The following TNFRSF8 variants were observed in gnomAD, a reference collection of about 807,000 sequenced individuals.
The protein encoded by TNFRSF8 is tumor necrosis factor receptor superfamily member 8.
In TNFRSF8, 26 loss-of-function variants were observed where a neutral mutation model predicts 70.8. That is an observed-to-expected ratio of 0.37 (90% CI 0.27 to 0.51). TNFRSF8 has a LOEUF of 0.51. Ranked by LOEUF, TNFRSF8 falls within the 20% of genes least tolerant of loss-of-function variation. TNFRSF8 has a pLI of 0.94. For synonymous variants in TNFRSF8, 356 were observed against 339.2 expected (o/e 1.05, Z -0.54); for missense variants, 720 against 807.9 (o/e 0.89, Z 1.32).
At position 12,141,060 on chromosome 1, in the gene TNFRSF8, G is replaced by A. The variant is rs572021641; in HGVS notation, c.1544-1227G>A. On this transcript the variant is annotated intron_variant, in intron 14 of 14. Coordinates refer to ENST00000263932, the MANE Select transcript of TNFRSF8 (RefSeq NM_001243.5). This position sits in a 1 kb window ranked among gnomAD's most constrained non-coding sequence, Gnocchi z 5.4. Reference sequence around the variant, plus strand: ...CTCTGGGCCTTCTCCTCTTGCTGCCGTTTGGCGCACTTCTCTCTTTCCTGG... The same window carrying A: ...CTCTGGGCCTTCTCCTCTTGCTGCCATTTGGCGCACTTCTCTCTTTCCTGG... Among the ~76,000 whole-genome samples the A allele has an allele frequency of 3.3e-4, 50 of 152,332 alleles. No homozygotes were observed. The highest frequency in any genetic ancestry group is 9.4e-4 in the African/African-American group (39 of 41,572).
intron 2 of TNFRSF8, among the ~76,000 whole-genome samples, chr1:12,094,667 C>T (rs1017910202): frequency 6.0e-5 from 9 of 149,768 alleles, no homozygotes; most frequent in African/African-American, 2.0e-4. Flanking sequence ...ACTCTATCGC[C>T]CAGGCTGGAG....
Position 12,076,261 on chromosome 1 carries a change from C to T in TNFRSF8, c.64-8203C>T, listed in dbSNP as rs528169103. ...AATTACAGGCATAAGCCACCATGCC[C>T]GGCTAATTTTGTATTTTTAGTAGAG... On this transcript the variant is annotated intron_variant, in intron 1 of 14. Coordinates refer to ENST00000263932, the MANE Select transcript of TNFRSF8 (RefSeq NM_001243.5). Among the ~76,000 whole-genome samples the T allele has an allele frequency of 9.2e-5, 14 of 151,858 alleles. No individual in the cohort carries two copies. In the South Asian group the frequency reaches 2.9e-3, roughly 32 times the overall value.
rs1415636926 is a variant in TNFRSF8, at chr1:12,138,679, A to C, written c.1543+243A>C. 6.6e-6 allele frequency among the ~76,000 whole-genome samples: 1 copy of C among 152,136 alleles called. No homozygotes were observed. Among genetic ancestry groups the C allele is most frequent in the African/African-American group, 2.4e-5 (1 of 41,428 alleles). On this transcript the variant is annotated intron_variant, in intron 14 of 14. Transcript: ENST00000263932. This position sits in a 1 kb window ranked among gnomAD's most constrained non-coding sequence, Gnocchi z 5.7. The stretch of plus-strand genomic sequence containing the variant: ...TGAGATGCCTGCTGTTACTCATAAA[A>C]AACGAACACCACCCCAGCCCCCAAC...
intron 1 of TNFRSF8, among the ~76,000 whole-genome samples, chr1:12,079,291 C>T (rs188914330): frequency 1.3e-5 from 2 of 152,154 alleles, no homozygotes; most frequent in Non-Finnish European, 2.9e-5. Flanking sequence ...TAAGGTGGGG[C>T]GGAGGGCCTC....
At chr1:12,125,795 G>A in intron 10 of TNFRSF8, 156 bp from the exon 11 acceptor site, 1 of 699,928 alleles carries the variant, frequency 1.4e-6, no homozygotes, top group Non-Finnish European at 2.6e-6. Flanking sequence ...AGGCGAGGGA[G>A]GGCTGGATGA....
chr1:12,125,041 G>A (rs186146648), intron 10 of TNFRSF8, among the ~76,000 whole-genome samples: 8 of 152,166 alleles, frequency 5.3e-5, no homozygotes, highest in Non-Finnish European at 1.2e-4. Context: ...GAACTTGTTA[G>A]GAAAGCAAAT....
chr1:12,074,835 C>T (rs1640910628), intron 1 of TNFRSF8, among the ~76,000 whole-genome samples: 1 of 152,154 alleles, frequency 6.6e-6, no homozygotes, highest in African/African-American at 2.4e-5. Context: ...GTTGCCCAGG[C>T]TGGAGTGCAG....
intron 2 of TNFRSF8, among the ~76,000 whole-genome samples, chr1:12,093,179 G>C (rs1179114499): frequency 6.6e-6 from 1 of 152,146 alleles, no homozygotes; most frequent in Non-Finnish European, 1.5e-5. Context: ...TAACTGGATT[G>C]CCTCTTCAGA....
rs1169615149 is a variant in TNFRSF8 at position 12,129,695 on chromosome 1, C to G, written c.1309+3459C>G. On this transcript the variant is annotated intron_variant, in intron 12 of 14. Coordinates refer to ENST00000263932, the MANE Select transcript of TNFRSF8 (RefSeq NM_001243.5). ...GGGCTGGAAGGTCCCAGGAATGATG[C>G]TGGCCTCTTCTCTCTCAGGGCGTCC... 2.0e-5 allele frequency among the ~76,000 whole-genome samples: 3 copies of G among 152,160 alleles called. No individual in the cohort carries two copies. In the East Asian group the frequency reaches 5.8e-4, roughly 29 times the overall value.
At position 12,109,578 on chromosome 1, in the gene TNFRSF8, A is replaced by G. The variant is rs764798958; in HGVS notation, c.434A>G (p.Lys145Arg). The change falls in exon 5 of 15, where the codon AAG becomes AGG. Residue 145 changes from lysine to arginine, a missense_variant. Transcript: ENST00000263932. This position sits in a 1 kb window ranked among gnomAD's most constrained non-coding sequence, Gnocchi z 4.4. ...GTCCCCCCTGCAGGCACGGCGCAGAAGAACACGGTCTGTGAGCCGGCTTCC... is the reference window on the plus strand; with the variant it reads ...GTCCCCCCTGCAGGCACGGCGCAGAGGAACACGGTCTGTGAGCCGGCTTCC... ...MIVKFPGTAQ[K>R]NTVCEPASPG... The G allele has an allele frequency of 2.5e-6, 4 of 1,613,694 alleles. No individual in the cohort carries two copies. Among genetic ancestry groups the G allele is most frequent in the Non-Finnish European group, 3.4e-6 (4 of 1,179,912 alleles).
At position 12,066,349 on chromosome 1, in the gene TNFRSF8, T is replaced by TA. The variant is rs1189615417; in HGVS notation, c.63+2688_63+2689insA. Reference sequence around the variant, plus strand: ...AATTAGGGCTTGAATTTCCTTGAGTTTAAAATTTTTTTTTTTTTTTTTGAG... The same window carrying TA: ...AATTAGGGCTTGAATTTCCTTGAGTTATAAAATTTTTTTTTTTTTTTTTGAG... On this transcript the variant is annotated intron_variant, in intron 1 of 14. Transcript: ENST00000263932. Among the ~76,000 whole-genome samples the TA allele has an allele frequency of 1.6e-3, 243 of 149,758 alleles. 1 individual carries two copies. The highest frequency in any genetic ancestry group is 6.0e-3 in the African/African-American group (238 of 39,808).
At chr1:12,096,379 T>A (rs1324961325) in intron 2 of TNFRSF8, among the ~76,000 whole-genome samples, 1 of 151,208 alleles carries the variant, frequency 6.6e-6, no homozygotes, top group Non-Finnish European at 1.5e-5. Context: ...AGAAGTGAAT[T>A]TAGTCTAACA....
At chr1:12,085,669 C>T (rs1291840111) in intron 2 of TNFRSF8, among the ~76,000 whole-genome samples, 2 of 152,226 alleles carry the variant, frequency 1.3e-5, no homozygotes, top group Non-Finnish European at 2.9e-5. Context: ...GAATGTTCCC[C>T]CACCCCCAGC....
chr1:12,140,292 G>T (rs1249439709), intron 14 of TNFRSF8, among the ~76,000 whole-genome samples: 2 of 152,170 alleles, frequency 1.3e-5, no homozygotes, highest in African/African-American at 4.8e-5. Context: ...CAAGACACAG[G>T]CAACCCCCTT....
Position 12,109,516 on chromosome 1 carries a change from A to T in TNFRSF8, c.422-50A>T. ...GGTAGTGAAGGGTGTATTCCGGGAG[A>T]CTTTGGGTCCCCAACACTGATTCTG... On this transcript the variant is annotated intron_variant, in intron 4 of 14. Transcript: ENST00000263932. The surrounding 1 kb of genome is among the most constrained non-coding windows in gnomAD (Gnocchi z 4.4). 1 of 1,497,710 alleles carries T rather than the reference A, an allele frequency of 6.7e-7. No individual in the cohort carries two copies. Among genetic ancestry groups the T allele is most frequent in the South Asian group, 1.1e-5 (1 of 87,220 alleles). 92.8% of individuals were successfully genotyped at this position (1,497,710 alleles called of 1,614,324 possible).
chr1:12,111,488 A>G (rs1459621070), intron 6 of TNFRSF8, among the ~76,000 whole-genome samples: 1 of 151,992 alleles, frequency 6.6e-6, no homozygotes, highest in Admixed American at 6.6e-5. Flanking sequence ...GGCCCACACC[A>G]GTCTTTAAAA....
Position 12,088,191 on chromosome 1 carries a change from C to T in TNFRSF8, c.151+3640C>T, listed in dbSNP as rs189665377. On this transcript the variant is annotated intron_variant, in intron 2 of 14. Coordinates refer to ENST00000263932, the MANE Select transcript of TNFRSF8 (RefSeq NM_001243.5). The surrounding 1 kb of genome is among the most constrained non-coding windows in gnomAD (Gnocchi z 4.0). ...GCCTGTGATGCCCTCTCCAGCATTC[C>T]TGAGAGCAGGTCCCCAGCCCTTTGC... Among the ~76,000 whole-genome samples, 3 of 152,228 alleles carry T rather than the reference C, an allele frequency of 2.0e-5. No homozygotes were observed. The highest frequency in any genetic ancestry group is 6.5e-5 in the Admixed American group (1 of 15,298).
chr1:12,131,811 T>G (rs1381238444), intron 12 of TNFRSF8, among the ~76,000 whole-genome samples: 1 of 152,016 alleles, frequency 6.6e-6, no homozygotes, highest in East Asian at 1.9e-4. Context: ...ATTTTTTTTT[T>G]GAGGCAGAGT....
Position 12,109,725 on chromosome 1 carries a change from A to C in TNFRSF8, c.512+69A>C, listed in dbSNP as rs1641593983. On this transcript the variant is annotated intron_variant, in intron 5 of 14. Coordinates refer to ENST00000263932, the MANE Select transcript of TNFRSF8 (RefSeq NM_001243.5). This position sits in a 1 kb window ranked among gnomAD's most constrained non-coding sequence, Gnocchi z 4.4. ...TTCAGATGAGGCTGCCCCACCCCAC[A>C]GGACGCCCATGGTACAACTGGGCTG... 17 of 1,357,068 alleles carry C rather than the reference A, an allele frequency of 1.3e-5. No individual in the cohort carries two copies. The highest frequency in any genetic ancestry group is 1.8e-5 in the Non-Finnish European group (17 of 954,864). The allele number at this position is 1,357,068 out of a possible 1,614,324, so 84.1% of individuals were successfully genotyped here.
Sources: allele counts gnomAD v4.1 joint callset (sites outside exome capture counted in the v4.1 genomes callset), GRCh38; gene constraint gnomAD v4.1.1; non-coding constraint Gnocchi (gnomAD v3.1); transcripts MANE v1.5; gene names NCBI Gene and HGNC (gene_info 2026-07-23, HGNC 2026-07-21).